The following PTBP2 variants were observed in gnomAD, a reference collection of about 807,000 sequenced individuals.
PTBP2 encodes the protein polypyrimidine tract-binding protein 2.
PTBP2 carries 13 observed loss-of-function variants against 61.4 expected under a neutral mutation model. The observed-to-expected ratio is 0.21, with a 90% confidence interval of 0.14 to 0.34. The LOEUF (loss-of-function observed/expected upper bound fraction) is 0.34. Among genes scored for constraint, PTBP2 ranks in the 10% least tolerant of loss-of-function variants. The pLI is 1.00. For missense variants in PTBP2, 405 were observed against 642.6 expected (o/e 0.63, Z 4.00); for synonymous variants, 215 against 218.5 (o/e 0.98, Z 0.14).
intron 5 of PTBP2, among the ~76,000 whole-genome samples, chr1:96,777,089 TAAGTG>T (rs1229654620): frequency 2.6e-5 from 4 of 152,208 alleles, no homozygotes; most frequent in East Asian, 3.9e-4. Flanking sequence ...TGTCAGAAGT[TAAGTG>T]TAGTATGAAA....
intron 2 of PTBP2, among the ~76,000 whole-genome samples, chr1:96,728,029 A>G (rs1650836338): frequency 6.6e-6 from 1 of 151,958 alleles, no homozygotes; most frequent in Non-Finnish European, 1.5e-5. Context: ...TGACTCTGTC[A>G]CCCCAGCTGG....
At position 96,735,509 on chromosome 1, in the gene PTBP2, A is replaced by G. The variant is rs75476492; in HGVS notation, c.39+11915A>G. Among the ~76,000 whole-genome samples the G allele has an allele frequency of 8.6e-3, 1,304 of 152,268 alleles. 19 individuals are homozygous for G. Among genetic ancestry groups the G allele is most frequent in the African/African-American group, 0.029 (1,225 of 41,542 alleles). ...TTGAATGTTAGATGAGATGAGGAAA[A>G]GACTTATGCTGAAAGGATGAGAATG... On this transcript the variant is annotated intron_variant, in intron 2 of 13. Transcript: ENST00000674951.
chr1:96,810,744 A>G (rs3791004), intron 11 of PTBP2, among the ~76,000 whole-genome samples: 41,618 of 152,086 alleles, frequency 0.27, 7,200 homozygotes, highest in African/African-American at 0.5. Flanking sequence ...AACACATTTT[A>G]TCTGAGGTAG....
At chr1:96,727,426 GTC>G (rs1650728314) in intron 2 of PTBP2, among the ~76,000 whole-genome samples, 1 of 152,122 alleles carries the variant, frequency 6.6e-6, no homozygotes, top group Non-Finnish European at 1.5e-5. Flanking sequence ...TGATTGGAAA[GTC>G]TGGATCATGT....
intron 11 of PTBP2, 111 bp from the exon 12 acceptor site, chr1:96,812,601 T>G: frequency 1.1e-6 from 1 of 897,014 alleles, no homozygotes; most frequent in Non-Finnish European, 1.7e-6. Flanking sequence ...AAATTGGTGA[T>G]TTATTTTAAA....
At chr1:96,798,130 A>ATAATCCCAGTCATGCCTG (rs1660581221) in intron 8 of PTBP2, among the ~76,000 whole-genome samples, 1 of 151,460 alleles carries the variant, frequency 6.6e-6, no homozygotes, top group South Asian at 2.1e-4. Flanking sequence ...TCTCATGCCT[A>ATAATCCCAGTCATGCCTG]TAATCCCAGT....
At chr1:96,746,702 G>GGA (rs1653814810) in intron 2 of PTBP2, among the ~76,000 whole-genome samples, 1 of 111,866 alleles carries the variant, frequency 8.9e-6, no homozygotes, top group Non-Finnish European at 1.9e-5. Context: ...GACTTTGTCT[G>GGA]AAAAAAAAAA....
Position 96,784,554 on chromosome 1 carries a change from A to T in PTBP2, c.709-505A>T, listed in dbSNP as rs1395444600. ...TACTAGTTTTTTTCTTTTTTGCCTC[A>T]TTTTATGGGAATTGCTATTATGTGT... On this transcript the variant is annotated intron_variant, in intron 7 of 13. Coordinates refer to ENST00000674951, the MANE Select transcript of PTBP2 (RefSeq NM_021190.4). Among the ~76,000 whole-genome samples, 13 of 152,022 alleles carry T rather than the reference A, an allele frequency of 8.6e-5. 1 individual carries two copies. The highest frequency in any genetic ancestry group is 6.6e-5 in the Admixed American group (1 of 15,252).
intron 11 of PTBP2, among the ~76,000 whole-genome samples, chr1:96,810,340 C>T (rs888249571): frequency 3.9e-5 from 6 of 152,052 alleles, no homozygotes; most frequent in Admixed American, 3.9e-4. Context: ...CAGGTAATTT[C>T]CTTCTGCTCT....
At chr1:96,755,320 G>A (rs1655030311) in intron 3 of PTBP2, among the ~76,000 whole-genome samples, 1 of 152,140 alleles carries the variant, frequency 6.6e-6, no homozygotes, top group African/African-American at 2.4e-5. Flanking sequence ...TATTAATAGT[G>A]ACTAAAATTA....
intron 2 of PTBP2, among the ~76,000 whole-genome samples, chr1:96,737,861 C>A (rs896300045): frequency 2.0e-5 from 3 of 152,106 alleles, no homozygotes; most frequent in Non-Finnish European, 2.9e-5. Flanking sequence ...TATATGTTTT[C>A]ATAACTACTG....
chr1:96,784,875 A>G (rs1570938332), intron 7 of PTBP2, 184 bp from the exon 8 acceptor site: 2 of 491,700 alleles, frequency 4.1e-6, no homozygotes, highest in South Asian at 3.1e-5. Flanking sequence ...AAGGAAGATA[A>G]TATTTGGGGG....
chr1:96,742,540 C>G (rs538458897), intron 2 of PTBP2, among the ~76,000 whole-genome samples: 1 of 152,020 alleles, frequency 6.6e-6, no homozygotes. Flanking sequence ...AAGAACCAAC[C>G]TTTTTACTTG....
intron 5 of PTBP2, among the ~76,000 whole-genome samples, chr1:96,771,770 GTAC>G (rs1657410130): frequency 2.6e-5 from 4 of 151,922 alleles, no homozygotes; most frequent in African/African-American, 7.3e-5. Context: ...TACTTATGGT[GTAC>G]AATGTGATGT....
intron 8 of PTBP2, among the ~76,000 whole-genome samples, chr1:96,797,943 G>T (rs1361305610): frequency 6.6e-6 from 1 of 152,110 alleles, no homozygotes; most frequent in East Asian, 1.9e-4. Flanking sequence ...GGGTGTGGTG[G>T]TGGGTGCCTG....
At chr1:96,722,915 AC>A (rs1649821602) in intron 1 of PTBP2, among the ~76,000 whole-genome samples, 1 of 152,242 alleles carries the variant, frequency 6.6e-6, no homozygotes, top group African/African-American at 2.4e-5. Context: ...GGTCAAAAAT[AC>A]AGCAGTATGC....
intron 7 of PTBP2, among the ~76,000 whole-genome samples, chr1:96,783,791 T>C (rs1057312631): frequency 1.6e-4 from 24 of 152,106 alleles, no homozygotes; most frequent in Non-Finnish European, 2.5e-4. Context: ...TTAATAGTTA[T>C]GTTATTCTGG....
chr1:96,792,055 T>C (rs1659901478), intron 8 of PTBP2, among the ~76,000 whole-genome samples: 2 of 152,198 alleles, frequency 1.3e-5, no homozygotes, highest in East Asian at 3.9e-4. Context: ...GCCAGGATGG[T>C]CTTGATCTCC....
chr1:96,739,838 T>C (rs1652762029), intron 2 of PTBP2, among the ~76,000 whole-genome samples: 1 of 151,756 alleles, frequency 6.6e-6, no homozygotes, highest in Non-Finnish European at 1.5e-5. Context: ...GTAGCCAGGA[T>C]GGACTCTTAT....
Sources: gnomAD v4.1 joint callset for allele counts (sites outside exome capture counted in the v4.1 genomes callset) on GRCh38, gnomAD v4.1.1 for gene constraint, MANE v1.5 for transcripts, NCBI Gene and HGNC (gene_info 2026-07-23, HGNC 2026-07-21) for gene names.